The following TCF4 variants were observed in gnomAD, a reference collection of about 807,000 sequenced individuals.
The protein encoded by TCF4 is transcription factor 4, also known as SL3-3 enhancer factor 2.
TCF4 carries 3 observed loss-of-function variants against 82.1 expected under a neutral mutation model. That is an observed-to-expected ratio of 0.04 (90% CI 0.02 to 0.09). TCF4 has a LOEUF of 0.09. TCF4 is among the 10% of genes least tolerant of loss of function. The probability of loss-of-function intolerance (pLI) is 1.00; values close to 1 mark genes in which losing one functional copy is unlikely to be tolerated. For missense variants in TCF4, 518 were observed against 852.7 expected, an observed-to-expected ratio of 0.61 and a Z score of 4.89; for synonymous variants, 276 against 309.6, an observed-to-expected ratio of 0.89 and a Z score of 1.14.
intron 5 of TCF4, among the ~76,000 whole-genome samples, chr18:55,434,125 T>A (rs2095269857): frequency 6.6e-6 from 1 of 152,198 alleles, no homozygotes. Flanking sequence ...AAATCTTCTC[T>A]ATTCACTATG....
intron 2 of TCF4, among the ~76,000 whole-genome samples, chr18:55,603,016 C>G (rs142101204): frequency 6.6e-6 from 1 of 152,198 alleles, no homozygotes; most frequent in African/African-American, 2.4e-5. Flanking sequence ...AAGATGAAAG[C>G]TTTACAGTTG....
At chr18:55,391,362 TA>T (rs960942023) in intron 6 of TCF4, among the ~76,000 whole-genome samples, 18 of 151,948 alleles carry the variant, frequency 1.2e-4, no homozygotes, top group African/African-American at 3.9e-4. Flanking sequence ...ATAATATATA[TA>T]TTTTTTAATT....
chr18:55,494,621 G>T (rs1187454176), intron 3 of TCF4, among the ~76,000 whole-genome samples: 1 of 151,918 alleles, frequency 6.6e-6, no homozygotes, highest in Non-Finnish European at 1.5e-5. Context: ...TGACCAAAAG[G>T]GTTTAAGGAT....
At chr18:55,323,553 G>A (rs1455752487) in intron 8 of TCF4, among the ~76,000 whole-genome samples, 1 of 152,114 alleles carries the variant, frequency 6.6e-6, no homozygotes, top group Non-Finnish European at 1.5e-5. Context: ...GGTCCCCAGA[G>A]GTTTGTGTAA....
chr18:55,340,863 GTACT>G (rs1305269071), intron 8 of TCF4, among the ~76,000 whole-genome samples: 3 of 152,100 alleles, frequency 2.0e-5, no homozygotes, highest in Non-Finnish European at 4.4e-5. Flanking sequence ...ACCCCAATGA[GTACT>G]TATTTTACAA....
intron 3 of TCF4, among the ~76,000 whole-genome samples, chr18:55,481,103 CAAAAAAAAAAAAA>C (rs74180501): frequency 9.9e-5 from 8 of 80,566 alleles, no homozygotes; most frequent in Non-Finnish European, 1.4e-4. Context: ...GACTCCATCT[CAAAAAAAAAAAAA>C]AAAAAAAAAA....
intron 8 of TCF4, among the ~76,000 whole-genome samples, chr18:55,300,099 T>C (rs111831991): frequency 0.037 from 5,426 of 147,982 alleles, 107 homozygotes; most frequent in Non-Finnish European, 0.055. Flanking sequence ...CATACAGATA[T>C]ACACACACAC....
chr18:55,482,083 G>C (rs2096445067), intron 3 of TCF4: 1 of 152,220 alleles, frequency 6.6e-6, no homozygotes, highest in African/African-American at 2.4e-5. Flanking sequence ...ACAGGTATCA[G>C]GTGCAATCTG....
chr18:55,464,130 T>G lies in TCF4; in HGVS notation c.153A>C (p.Glu51Asp). The G allele has an allele frequency of 6.2e-7, 1 of 1,614,072 alleles. No homozygotes were observed. Among genetic ancestry groups the G allele is most frequent in the Non-Finnish European group, 8.5e-7 (1 of 1,179,934 alleles). Residue 51 changes from glutamate to aspartate, a missense_variant, in exon 4 of 20, where the codon GAA becomes GAC. Transcript: ENST00000354452. ...CCCAGGACCCTGAGCTACTTCTGTC[T>G]TCTACATCTAGGGACAAGAGAAAAG... ...ASGHFTGSNV[E>D]DRSSSGSWGN...
At chr18:55,256,694 TG>T (rs1182535387) in intron 14 of TCF4, among the ~76,000 whole-genome samples, 1 of 152,166 alleles carries the variant, frequency 6.6e-6, no homozygotes, top group African/African-American at 2.4e-5. Flanking sequence ...GCTAAATTCA[TG>T]TACAGCCTAA....
chr18:55,232,204 T>G (rs2048112751), intron 17 of TCF4: 1 of 311,000 alleles, frequency 3.2e-6, no homozygotes, highest in South Asian at 4.1e-5. Context: ...GACACAACAT[T>G]TCTGACCAAA....
intron 17 of TCF4, 98 bp downstream of exon 17, chr18:55,232,411 C>A: frequency 7.0e-7 from 1 of 1,424,806 alleles, no homozygotes. Context: ...TGTAAATTTA[C>A]CTGCCAGGAA....
At chr18:55,233,273 A>T (rs1568336186) in intron 16 of TCF4, among the ~76,000 whole-genome samples, 1 of 152,244 alleles carries the variant, frequency 6.6e-6, no homozygotes, top group African/African-American at 2.4e-5. Context: ...ACCCTAATGT[A>T]GTAATTTTTT....
At position 55,470,833 on chromosome 18, in the gene TCF4, G is replaced by A. The variant is rs139866143; in HGVS notation, c.146-6696C>T. 1.4e-3 allele frequency among the ~76,000 whole-genome samples: 206 copies of A among 152,252 alleles called. 1 individual carries two copies. The highest frequency in any genetic ancestry group is 4.6e-3 in the African/African-American group (192 of 41,548). The stretch of plus-strand genomic sequence containing the variant: ...AAAAATTTCAACACATTCAGAATGC[G>A]TTCAGAGATAGGATGTCAAGTTCTT... On this transcript the variant is annotated intron_variant, in intron 3 of 19. Coordinates refer to ENST00000354452, the MANE Select transcript of TCF4 (RefSeq NM_001083962.2).
chr18:55,534,996 GTCA>G (rs1435073593), intron 3 of TCF4, among the ~76,000 whole-genome samples: 2 of 152,292 alleles, frequency 1.3e-5, no homozygotes, highest in South Asian at 2.1e-4. Flanking sequence ...GGGAATTCTT[GTCA>G]TCATCATTTA....
intron 5 of TCF4, among the ~76,000 whole-genome samples, chr18:55,406,812 T>C (rs975611325): frequency 1.3e-5 from 2 of 152,200 alleles, no homozygotes; most frequent in African/African-American, 4.8e-5. Context: ...TTAAAAGAGA[T>C]AGCAGTGATG....
intron 2 of TCF4, among the ~76,000 whole-genome samples, chr18:55,621,733 A>C (rs1252326989): frequency 3.5e-5 from 3 of 86,192 alleles, no homozygotes; most frequent in Non-Finnish European, 6.1e-5. Flanking sequence ...ATTTATAATT[A>C]TACAATTGTA....
chr18:55,596,743 G>T (rs977476621), intron 2 of TCF4, among the ~76,000 whole-genome samples: 1 of 152,048 alleles, frequency 6.6e-6, no homozygotes, highest in Non-Finnish European at 1.5e-5. Context: ...ATACTAACTT[G>T]CATCATAACA....
chr18:55,571,062 A>G (rs1026705876), intron 3 of TCF4, among the ~76,000 whole-genome samples: 3 of 152,116 alleles, frequency 2.0e-5, no homozygotes, highest in African/African-American at 7.2e-5. Context: ...TCTACAAACC[A>G]ACAATTCTAC....
Sources: gnomAD v4.1 joint callset for allele counts (sites outside exome capture counted in the v4.1 genomes callset) on GRCh38, gnomAD v4.1.1 for gene constraint, MANE v1.5 for transcripts, NCBI Gene and HGNC (gene_info 2026-07-23, HGNC 2026-07-21) for gene names.